The following STAB2 variants were observed in gnomAD, a reference collection of about 807,000 sequenced individuals.
The protein encoded by STAB2 is stabilin-2.
In STAB2, 288 loss-of-function variants were observed where a neutral mutation model predicts 338.1. The ratio of observed to expected loss-of-function variants is 0.85; its 90% CI spans 0.77 to 0.94. STAB2 has a LOEUF of 0.94. STAB2 is among the 40% of genes least tolerant of loss of function. STAB2 has a pLI of 0.00. For synonymous variants in STAB2, 1,202 were observed against 1,193.3 expected (o/e 1.01, Z -0.15); for missense variants, 3,141 against 3,210.1 (o/e 0.98, Z 0.52).
At chr12:103,765,086 CAAAAAAAAA>C (rs56002429) in intron 68 of STAB2, among the ~76,000 whole-genome samples, 47 of 66,520 alleles carry the variant, frequency 7.1e-4, no homozygotes, top group African/African-American at 3.1e-3. Flanking sequence ...GACTCTGTCT[CAAAAAAAAA>C]AAAAAAAAAA....
chr12:103,759,226 C>A lies in STAB2; in HGVS notation c.7201C>A (p.Leu2401Met). 1 of 1,613,978 alleles carries A rather than the reference C, an allele frequency of 6.2e-7. No homozygotes were observed. Residue 2401 changes from leucine (L) to methionine (M), a missense_variant, in exon 65 of 69, where the codon CTG (leucine) becomes ATG (methionine). By Grantham distance (15) the Leu-to-Met change is conservative. Coordinates refer to ENST00000388887, the MANE Select transcript of STAB2 (RefSeq NM_017564.10). The part of the protein sequence containing the change: ...LVNGTTLQTR[L>M]GSKLLITASQ... ...CAATGGCACCACCCTGCAAACGAGG[C>A]TGGGAAGCAAGCTGCTCATCACTGC...
chr12:103,735,616 T>A (rs200943391), intron 52 of STAB2, 36 bp downstream of exon 52: 43 of 1,283,162 alleles, frequency 3.4e-5, no homozygotes, highest in Non-Finnish European at 4.4e-5. Flanking sequence ...AGGGAGGGGT[T>A]AACACATTCA....
chr12:103,717,238 T>C (rs1327076310), intron 43 of STAB2, among the ~76,000 whole-genome samples: 3 of 152,192 alleles, frequency 2.0e-5, no homozygotes, highest in Non-Finnish European at 2.9e-5. Flanking sequence ...CTTCAGACAG[T>C]GTCCCCTCCC....
At chr12:103,729,722 C>T (rs1231855660) in intron 48 of STAB2, among the ~76,000 whole-genome samples, 1 of 152,148 alleles carries the variant, frequency 6.6e-6, no homozygotes, top group Non-Finnish European at 1.5e-5. Context: ...TTGATCCAAG[C>T]CACTTGACCA....
At chr12:103,748,723 T>C (rs921618254) in intron 58 of STAB2, among the ~76,000 whole-genome samples, 2 of 151,850 alleles carry the variant, frequency 1.3e-5, no homozygotes, top group African/African-American at 4.8e-5. Flanking sequence ...CCTGGAGGTA[T>C]ATGACAAAGG....
At chr12:103,693,365 A>T (rs1235394122) in intron 31 of STAB2, among the ~76,000 whole-genome samples, 1 of 152,106 alleles carries the variant, frequency 6.6e-6, no homozygotes, top group Non-Finnish European at 1.5e-5. Context: ...TGAGCCCAGG[A>T]GGTCAAGACT....
chr12:103,759,356 G>C, intron 65 of STAB2, 83 bp downstream of exon 65: 1 of 1,528,732 alleles, frequency 6.5e-7, no homozygotes, highest in Non-Finnish European at 8.8e-7. Context: ...TTAATAGATG[G>C]CAACTATTAT....
intron 39 of STAB2, among the ~76,000 whole-genome samples, chr12:103,710,432 G>A (rs960994414): frequency 2.0e-5 from 3 of 152,168 alleles, no homozygotes; most frequent in African/African-American, 4.8e-5. Context: ...ACTCCTTTGT[G>A]TGCAAACTCC....
At chr12:103,588,193 T>C (rs1166084129) in intron 1 of STAB2, among the ~76,000 whole-genome samples, 1 of 152,230 alleles carries the variant, frequency 6.6e-6, no homozygotes, top group Non-Finnish European at 1.5e-5. Flanking sequence ...TTAACCATGA[T>C]TCTGCACCTG....
chr12:103,737,537 G>A, intron 52 of STAB2, 97 bp from the exon 53 acceptor site: 1 of 1,360,658 alleles, frequency 7.3e-7, no homozygotes, highest in Non-Finnish European at 9.8e-7. Context: ...ATGTTACATG[G>A]CTGGGAAAGA....
chr12:103,692,426 G>C (rs1878014549), intron 30 of STAB2, among the ~76,000 whole-genome samples: 1 of 152,172 alleles, frequency 6.6e-6, no homozygotes, highest in African/African-American at 2.4e-5. Flanking sequence ...CCACAGTTCT[G>C]TCTCCAGGGT....
chr12:103,752,971 A>G (rs1883795755), intron 60 of STAB2, among the ~76,000 whole-genome samples: 3 of 152,222 alleles, frequency 2.0e-5, no homozygotes, highest in Admixed American at 2.0e-4. Context: ...ATAGAATTGT[A>G]GGTGGTTTTT....
At chr12:103,677,389 A>G (rs1876479927) in intron 24 of STAB2, 64 bp from the exon 25 acceptor site, 1 of 1,524,228 alleles carries the variant, frequency 6.6e-7, no homozygotes, top group Admixed American at 2.0e-5. Context: ...ATTCTCTCTT[A>G]TTTTTGGAAT....
chr12:103,604,355 C>A (rs73187875), intron 3 of STAB2, among the ~76,000 whole-genome samples: 171 of 152,074 alleles, frequency 1.1e-3, no homozygotes, highest in African/African-American at 4.0e-3. Context: ...GTTTTGGAAT[C>A]GGGATAATAA....
chr12:103,724,049 G>T (rs186767572), intron 44 of STAB2, among the ~76,000 whole-genome samples: 1 of 152,058 alleles, frequency 6.6e-6, no homozygotes, highest in Non-Finnish European at 1.5e-5. Context: ...TGCCACGGAC[G>T]GCAACATCAA....
At chr12:103,751,014 A>G (rs952811594) in intron 60 of STAB2, among the ~76,000 whole-genome samples, 8 of 152,232 alleles carry the variant, frequency 5.3e-5, no homozygotes, top group South Asian at 2.1e-4. Flanking sequence ...AAAGCCACAT[A>G]GAAGTGCAGA....
intron 1 of STAB2, among the ~76,000 whole-genome samples, chr12:103,589,625 C>T (rs1017823082): frequency 2.0e-5 from 3 of 152,136 alleles, no homozygotes; most frequent in African/African-American, 7.2e-5. Flanking sequence ...AAAATGTGCT[C>T]CACTGGGCCA....
At chr12:103,611,301 C>T (rs1328092931) in intron 3 of STAB2, among the ~76,000 whole-genome samples, 1 of 152,100 alleles carries the variant, frequency 6.6e-6, no homozygotes, top group Non-Finnish European at 1.5e-5. Flanking sequence ...TAAAGTCTCC[C>T]ATTATTATTG....
At chr12:103,701,315 C>T (rs963254785) in intron 34 of STAB2, among the ~76,000 whole-genome samples, 5 of 152,004 alleles carry the variant, frequency 3.3e-5, no homozygotes, top group East Asian at 3.9e-4. Context: ...AATAAACATA[C>T]GTGTGCATAT....
Sources: gnomAD v4.1 joint callset for allele counts (sites outside exome capture counted in the v4.1 genomes callset) on GRCh38, gnomAD v4.1.1 for gene constraint, MANE v1.5 for transcripts, NCBI Gene and HGNC (gene_info 2026-07-23, HGNC 2026-07-21) for gene names.